ACTR2: variants seen among roughly 807,000 people sequenced by gnomAD.
ACTR2 encodes the protein actin related protein 2.
In ACTR2, 5 loss-of-function variants were observed where a neutral mutation model predicts 50.2. That is an observed-to-expected ratio of 0.10 (90% CI 0.05 to 0.21). The LOEUF is 0.21. Among genes scored for constraint, ACTR2 ranks in the 10% least tolerant of loss-of-function variants. The pLI is 1.00. For missense variants in ACTR2, 180 were observed against 480.6 expected (o/e 0.37, Z 5.85); for synonymous variants, 140 against 162.9 (o/e 0.86, Z 1.07).
intron 6 of ACTR2, among the ~76,000 whole-genome samples, chr2:65,260,972 C>T (rs1672258252): frequency 2.0e-5 from 3 of 151,986 alleles, no homozygotes; most frequent in South Asian, 2.1e-4. Flanking sequence ...CCTTGTGATC[C>T]GCCCAGCTCA....
chr2:65,235,796 T>G (rs1671729799), intron 1 of ACTR2, among the ~76,000 whole-genome samples: 1 of 152,150 alleles, frequency 6.6e-6, no homozygotes, highest in Non-Finnish European at 1.5e-5. Flanking sequence ...TGTATTATAC[T>G]TTTAGAAATG....
At chr2:65,237,945 G>T (rs1486086566) in intron 1 of ACTR2, among the ~76,000 whole-genome samples, 2 of 152,144 alleles carry the variant, frequency 1.3e-5, no homozygotes, top group South Asian at 4.1e-4. Flanking sequence ...AATGATCTGA[G>T]ATGGAGCCAC....
intron 1 of ACTR2, among the ~76,000 whole-genome samples, chr2:65,229,430 T>C (rs1478916308): frequency 6.6e-6 from 1 of 152,052 alleles, no homozygotes; most frequent in Non-Finnish European, 1.5e-5. Flanking sequence ...ATCTGAACTG[T>C]GTTAAAAATG....
In ACTR2 at chr2:65,227,867, G is replaced by A. The variant is rs928047185; in HGVS notation, c.-43G>A. On this transcript the variant is annotated 5_prime_UTR_variant, in exon 1 of 9. Coordinates refer to ENST00000260641, the MANE Select transcript of ACTR2 (RefSeq NM_005722.4). Reference sequence around the variant, plus strand: ...AAGAGAAAACGGCCGGGCGGCGGTGGCTGTAGGTTGTGCGGCTGCAGCGGC... The same window carrying A: ...AAGAGAAAACGGCCGGGCGGCGGTGACTGTAGGTTGTGCGGCTGCAGCGGC... 1.1e-5 allele frequency: 16 copies of A among 1,497,758 alleles called. No individual in the cohort carries two copies. Among genetic ancestry groups the A allele is most frequent in the Non-Finnish European group, 1.4e-5 (16 of 1,122,782 alleles). The allele number at this position is 1,497,758 out of a possible 1,614,324, so 92.8% of individuals were successfully genotyped here.
chr2:65,255,084 C>T (rs1288390791), intron 5 of ACTR2, among the ~76,000 whole-genome samples: 5 of 152,046 alleles, frequency 3.3e-5, no homozygotes, highest in Admixed American at 2.0e-4. Context: ...ATTCGTTAAA[C>T]AAATGCTATT....
At chr2:65,230,051 T>C (rs1294128241) in intron 1 of ACTR2, among the ~76,000 whole-genome samples, 1 of 152,174 alleles carries the variant, frequency 6.6e-6, no homozygotes, top group Admixed American at 6.5e-5. Flanking sequence ...TTCTGAATTA[T>C]TGGAAAAATG....
intron 6 of ACTR2, among the ~76,000 whole-genome samples, chr2:65,259,800 T>G (rs978274547): frequency 2.0e-5 from 3 of 152,190 alleles, no homozygotes; most frequent in South Asian, 2.1e-4. Context: ...CTCATGGAAA[T>G]GTGTCAAATG....
At chr2:65,265,383 G>C in intron 8 of ACTR2, 1 of 624,542 alleles carries the variant, frequency 1.6e-6, no homozygotes, top group South Asian at 1.9e-5. Flanking sequence ...GAGGCAGTGA[G>C]GTCAGGGCCA....
At chr2:65,262,275 G>A (rs1042835883) in intron 7 of ACTR2, among the ~76,000 whole-genome samples, 1 of 152,100 alleles carries the variant, frequency 6.6e-6, no homozygotes, top group African/African-American at 2.4e-5. Flanking sequence ...TCTCACCCAG[G>A]CTGAAGTGTA....
chr2:65,238,196 A>T (rs1193762108), intron 1 of ACTR2, among the ~76,000 whole-genome samples: 1 of 152,116 alleles, frequency 6.6e-6, no homozygotes, highest in African/African-American at 2.4e-5. Flanking sequence ...AAATTAAAAA[A>T]GTATTAAAAG....
rs538436829 is a variant in ACTR2, at chr2:65,239,465, CAA to C, written c.49-380_49-379del. Among the ~76,000 whole-genome samples the C allele has an allele frequency of 7.9e-4, 120 of 152,070 alleles. 1 individual carries two copies. Among genetic ancestry groups the C allele is most frequent in the African/African-American group, 2.7e-3 (114 of 41,510 alleles). ...GTGAAACTCCGTCTCAAAACAAAAACAAAAAAAACCTTAGCATTTGTTCAGCG... is the reference window on the plus strand; with the variant it reads ...GTGAAACTCCGTCTCAAAACAAAAACAAAAAACCTTAGCATTTGTTCAGCG... On this transcript the variant is annotated intron_variant, in intron 1 of 8. Coordinates refer to ENST00000260641, the MANE Select transcript of ACTR2 (RefSeq NM_005722.4).
chr2:65,256,938 AT>A (rs1425371221), intron 6 of ACTR2, among the ~76,000 whole-genome samples: 3 of 151,862 alleles, frequency 2.0e-5, no homozygotes, highest in Non-Finnish European at 4.4e-5. Flanking sequence ...CCCATTTAAA[AT>A]TTTTTTAAAT....
intron 6 of ACTR2, among the ~76,000 whole-genome samples, chr2:65,259,635 A>G (rs1013019536): frequency 2.6e-5 from 4 of 152,168 alleles, no homozygotes; most frequent in Non-Finnish European, 5.9e-5. Context: ...GGGCTGAGGT[A>G]TGAGAATCAT....
intron 1 of ACTR2, among the ~76,000 whole-genome samples, chr2:65,235,807 G>T (rs139110680): frequency 6.6e-6 from 1 of 152,176 alleles, no homozygotes; most frequent in East Asian, 1.9e-4. Context: ...TTTAGAAATG[G>T]ATAGCTGTAC....
Position 65,242,190 on chromosome 2 carries a change from T to G in ACTR2, c.159+2228T>G. ...TTCCATATTTTTATTTTAAGTACTTTGATTTTTAACCTTTTTCATTGCTTC... is the reference window on the plus strand; with the variant it reads ...TTCCATATTTTTATTTTAAGTACTTGGATTTTTAACCTTTTTCATTGCTTC... On this transcript the variant is annotated intron_variant, in intron 2 of 8. Coordinates refer to ENST00000260641, the MANE Select transcript of ACTR2 (RefSeq NM_005722.4). 10 of 690,838 alleles carry G rather than the reference T, an allele frequency of 1.4e-5. No homozygotes were observed. The South Asian group carries it at 2.0e-4, about 14-fold the overall frequency. The allele number at this position is 690,838 out of a possible 1,614,324, so 42.8% of individuals were successfully genotyped here.
Position 65,255,548 on chromosome 2 carries a change from C to T in ACTR2, c.589C>T (p.Leu197Phe), listed in dbSNP as rs1672135260. ...RDITRYLIKLLLLRGYAFNHS... is the reference protein window; with the variant it reads ...RDITRYLIKLFLLRGYAFNHS... ...TATTGCTATTGTTTTGTACCAGCTA[C>T]TTCTGTTGCGAGGATACGCCTTCAA... The change falls in exon 6 of 9, where the codon CTT becomes TTT. Residue 197 changes from leucine to phenylalanine, a missense_variant. Leu to Phe is a conservative substitution (Grantham distance 22). Transcript: ENST00000260641. The T allele has an allele frequency of 6.2e-7, 1 of 1,613,192 alleles. No individual in the cohort carries two copies.
intron 1 of ACTR2, among the ~76,000 whole-genome samples, chr2:65,230,603 G>T (rs1239476558): frequency 6.6e-6 from 1 of 151,638 alleles, no homozygotes; most frequent in Non-Finnish European, 1.5e-5. Flanking sequence ...TAGAGACTGG[G>T]TCTCCCTATG....
At position 65,268,872 on chromosome 2, in the gene ACTR2, G is replaced by A; in HGVS notation, c.*138G>A. On this transcript the variant is annotated 3_prime_UTR_variant, in exon 9 of 9. Coordinates refer to ENST00000260641, the MANE Select transcript of ACTR2 (RefSeq NM_005722.4). ...TGGAAAGGTCAAGTTTTATTCTGGT[G>A]TCTTGGGGAAGCTTTGTTAAATTTT... is the stretch of plus-strand genomic sequence containing the variant. 4.2e-6 allele frequency: 4 copies of A among 948,550 alleles called. No homozygotes were observed. Among genetic ancestry groups the A allele is most frequent in the Non-Finnish European group, 6.3e-6 (4 of 637,366 alleles). The allele number at this position is 948,550 out of a possible 1,614,324, so 58.8% of individuals were successfully genotyped here.
At chr2:65,262,010 C>T (rs1672277957) in intron 7 of ACTR2, among the ~76,000 whole-genome samples, 1 of 151,912 alleles carries the variant, frequency 6.6e-6, no homozygotes, top group Non-Finnish European at 1.5e-5. Flanking sequence ...AGCATTTTTT[C>T]CATTTGTATG....
Sources: gnomAD v4.1 joint callset for allele counts (sites outside exome capture counted in the v4.1 genomes callset) on GRCh38, gnomAD v4.1.1 for gene constraint, MANE v1.5 for transcripts, NCBI Gene and HGNC (gene_info 2026-07-23, HGNC 2026-07-21) for gene names.